Variants in SPOCK3 observed in about 807,000 individuals in gnomAD.
SPOCK3 encodes the protein testican-3.
A neutral mutation model predicts 56.6 loss-of-function variants in SPOCK3; 30 were observed. The observed-to-expected ratio is 0.53, with a 90% CI of 0.40 to 0.72. The LOEUF is 0.72. Among genes scored for constraint, SPOCK3 ranks in the 30% least tolerant of loss-of-function variants. SPOCK3 has a pLI of 0.00. For synonymous variants in SPOCK3, 196 were observed against 183.3 expected, an observed-to-expected ratio of 1.07 and a Z score of -0.56; for missense variants, 527 against 530.0, an observed-to-expected ratio of 0.99 and a Z score of 0.06.
chr4:167,131,404 T>C (rs1051656062), intron 2 of SPOCK3, among the ~76,000 whole-genome samples: 1 of 152,004 alleles, frequency 6.6e-6, no homozygotes, highest in Non-Finnish European at 1.5e-5. Flanking sequence ...CTGGCCAACA[T>C]GGTGAAACCC....
chr4:167,141,487 C>T (rs1304992141), intron 2 of SPOCK3, among the ~76,000 whole-genome samples: 1 of 151,994 alleles, frequency 6.6e-6, no homozygotes, highest in Non-Finnish European at 1.5e-5. Context: ...ATCTGGTGTC[C>T]AATTCAGCCT....
At chr4:167,020,182 G>T (rs1010900586) in intron 3 of SPOCK3, among the ~76,000 whole-genome samples, 1 of 152,190 alleles carries the variant, frequency 6.6e-6, no homozygotes, top group Middle Eastern at 3.4e-3. Context: ...TTACTGGTCA[G>T]GTAGGAGGTA....
At chr4:166,781,622 C>A (rs1740183238) in intron 7 of SPOCK3, among the ~76,000 whole-genome samples, 1 of 151,788 alleles carries the variant, frequency 6.6e-6, no homozygotes. Flanking sequence ...TAGAATTCTC[C>A]AAAATTAATG....
chr4:166,734,651 A>G lies in SPOCK3; in HGVS notation c.*270T>C, dbSNP rs1734036765. 1 of 282,778 alleles carries G rather than the reference A, an allele frequency of 3.5e-6. No individual in the cohort carries two copies. The highest frequency in any genetic ancestry group is 6.5e-6 in the Non-Finnish European group (1 of 154,198). 17.5% of individuals were successfully genotyped at this position (282,778 alleles called of 1,614,324 possible). A position where few individuals can be genotyped will look rare whatever the true frequency, so the allele number is the denominator to read the frequency against. On this transcript the variant is annotated 3_prime_UTR_variant, in exon 11 of 11. Coordinates refer to ENST00000357545, the MANE Select transcript of SPOCK3 (RefSeq NM_001040159.2). ...TTTACAAAGTTTGTTCTCGTGAAAA[A>G]CTTATTATAGTAGCACTTCAAAACT...
intron 3 of SPOCK3, among the ~76,000 whole-genome samples, chr4:167,027,301 T>G (rs1306738807): frequency 1.3e-5 from 2 of 152,014 alleles, no homozygotes; most frequent in African/African-American, 4.8e-5. Context: ...TTTCATCCAC[T>G]TTCTCATTAA....
intron 6 of SPOCK3, among the ~76,000 whole-genome samples, chr4:166,845,231 A>G (rs910700132): frequency 6.6e-6 from 1 of 152,186 alleles, no homozygotes; most frequent in Non-Finnish European, 1.5e-5. Context: ...AAATGTTGAA[A>G]TCATATAATA....
chr4:166,856,655 A>AG (rs914990291), intron 6 of SPOCK3, among the ~76,000 whole-genome samples: 3 of 151,604 alleles, frequency 2.0e-5, no homozygotes, highest in African/African-American at 7.3e-5. Flanking sequence ...GTGCCTGTAG[A>AG]CCCAGCTACT....
chr4:167,149,585 AAT>A (rs1340023617), intron 2 of SPOCK3, among the ~76,000 whole-genome samples: 3 of 152,032 alleles, frequency 2.0e-5, no homozygotes, highest in African/African-American at 7.2e-5. Context: ...TTTATACACT[AAT>A]ATTTTGAAAT....
chr4:166,997,360 T>C (rs2150122602), intron 4 of SPOCK3, among the ~76,000 whole-genome samples: 1 of 152,276 alleles, frequency 6.6e-6, no homozygotes, highest in East Asian at 1.9e-4. Flanking sequence ...TTTCCTTTTA[T>C]TTGATAAATC....
intron 2 of SPOCK3, among the ~76,000 whole-genome samples, chr4:167,152,353 A>G (rs989214674): frequency 2.0e-5 from 3 of 152,210 alleles, no homozygotes; most frequent in Non-Finnish European, 4.4e-5. Flanking sequence ...GAGAGCCGCA[A>G]AATGATTAAG....
intron 2 of SPOCK3, among the ~76,000 whole-genome samples, chr4:167,217,359 T>A (rs937571147): frequency 6.6e-6 from 1 of 151,638 alleles, no homozygotes; most frequent in Non-Finnish European, 1.5e-5. Flanking sequence ...ACAGATGTTT[T>A]TTTTTGTTGT....
intron 6 of SPOCK3, among the ~76,000 whole-genome samples, chr4:166,838,782 CTAA>C (rs200205356): frequency 7.0e-6 from 1 of 141,936 alleles, no homozygotes; most frequent in African/African-American, 2.6e-5. Context: ...AACCCCACCT[CTAA>C]TAATAATAAT....
chr4:167,156,617 A>G (rs1226450193), intron 2 of SPOCK3, among the ~76,000 whole-genome samples: 2 of 152,192 alleles, frequency 1.3e-5, no homozygotes, highest in African/African-American at 4.8e-5. Flanking sequence ...GGATTTACTT[A>G]AAAGTAAAAA....
intron 6 of SPOCK3, among the ~76,000 whole-genome samples, chr4:166,807,311 A>AAAG (rs1423321794): frequency 1.3e-5 from 2 of 151,108 alleles, no homozygotes; most frequent in Non-Finnish European, 3.0e-5. Flanking sequence ...TAAAGCCTAA[A>AAAG]AAAAAAAAAA....
intron 6 of SPOCK3, among the ~76,000 whole-genome samples, chr4:166,874,004 C>T (rs1335040972): frequency 6.6e-6 from 1 of 152,048 alleles, no homozygotes; most frequent in South Asian, 2.1e-4. Flanking sequence ...AGCTTTTGTC[C>T]CAGACTGTCA....
chr4:166,961,269 A>G (rs1250745824), intron 4 of SPOCK3, among the ~76,000 whole-genome samples: 1 of 152,000 alleles, frequency 6.6e-6, no homozygotes, highest in Admixed American at 6.6e-5. Context: ...AAACTGCAAA[A>G]TTTTAAAACA....
chr4:167,080,878 C>CTTTTTT (rs766090610), intron 2 of SPOCK3, among the ~76,000 whole-genome samples: 12 of 129,026 alleles, frequency 9.3e-5, no homozygotes, highest in Non-Finnish European at 1.5e-4. Context: ...CTCTTTCTTT[C>CTTTTTT]TTTTTTTTTT....
chr4:166,959,940 C>T (rs971742833), intron 4 of SPOCK3, among the ~76,000 whole-genome samples: 1 of 151,844 alleles, frequency 6.6e-6, no homozygotes. Flanking sequence ...AAATGAAGCA[C>T]AATAAAAGCA....
At chr4:166,990,292 T>C (rs1236426106) in intron 4 of SPOCK3, among the ~76,000 whole-genome samples, 1 of 152,162 alleles carries the variant, frequency 6.6e-6, no homozygotes, top group Admixed American at 6.5e-5. Flanking sequence ...CTCCATATTT[T>C]GACATTAGAT....
Sources: allele counts gnomAD v4.1 joint callset (sites outside exome capture counted in the v4.1 genomes callset), GRCh38; gene constraint gnomAD v4.1.1; transcripts MANE v1.5; gene names NCBI Gene and HGNC (gene_info 2026-07-23, HGNC 2026-07-21).